FAT3: variants seen among roughly 807,000 people sequenced by gnomAD.
The protein encoded by FAT3 is protocadherin Fat 3.
In FAT3, 95 loss-of-function variants were observed where a neutral mutation model predicts 310.2. The observed-to-expected ratio is 0.31, with a 90% CI of 0.26 to 0.36. The LOEUF is 0.36. Ranked by LOEUF, FAT3 falls within the 10% of genes least tolerant of loss-of-function variation. The pLI is 1.00. For missense variants in FAT3, 5,408 were observed against 5,715.6 expected (o/e 0.95, Z 1.74); for synonymous variants, 2,314 against 2,192.9 (o/e 1.06, Z -1.54).
chr11:92,645,978 C>T (rs903305338), intron 3 of FAT3, among the ~76,000 whole-genome samples: 3 of 152,268 alleles, frequency 2.0e-5, no homozygotes, highest in Middle Eastern at 3.4e-3. Flanking sequence ...TTTATCCAAT[C>T]GCTTCAACAA....
At chr11:92,562,390 G>A (rs606010) in intron 3 of FAT3, among the ~76,000 whole-genome samples, 59,331 of 151,830 alleles carry the variant, frequency 0.39, 12,318 homozygotes, top group Middle Eastern at 0.53. Flanking sequence ...AAATACGTAC[G>A]GATTTTATTT....
chr11:92,749,348 A>G (rs973237209), intron 4 of FAT3, among the ~76,000 whole-genome samples: 5 of 152,138 alleles, frequency 3.3e-5, no homozygotes, highest in African/African-American at 9.7e-5. Flanking sequence ...ATGACAATTT[A>G]TGAATGCAAG....
chr11:92,651,903 A>G (rs1383290157), intron 3 of FAT3, among the ~76,000 whole-genome samples: 1 of 152,166 alleles, frequency 6.6e-6, no homozygotes, highest in Non-Finnish European at 1.5e-5. Context: ...CATCTAGGGG[A>G]TGCTTTTCCT....
chr11:92,775,475 G>A (rs1406613757), intron 7 of FAT3, among the ~76,000 whole-genome samples: 1 of 152,050 alleles, frequency 6.6e-6, no homozygotes, highest in African/African-American at 2.4e-5. Flanking sequence ...CCTTAGAAAG[G>A]GGAAGTGACT....
In FAT3 at chr11:92,851,254, T is replaced by G. The variant is rs147042752; in HGVS notation, c.11366-5960T>G. ...GAAAAGTTACACCTGAGTTCAGGTC[T>G]CTGCCATGTTGCTGGGTCAAATTAG... On this transcript the variant is annotated intron_variant, in intron 19 of 27. Transcript: ENST00000525166. Among the ~76,000 whole-genome samples, 4 of 152,332 alleles carry G rather than the reference T, an allele frequency of 2.6e-5. No individual in the cohort carries two copies. In the East Asian group the frequency reaches 7.7e-4, roughly 29 times the overall value.
chr11:92,422,778 A>T (rs1950557819), intron 2 of FAT3, among the ~76,000 whole-genome samples: 1 of 152,080 alleles, frequency 6.6e-6, no homozygotes, highest in African/African-American at 2.4e-5. Flanking sequence ...TTCAGCAAAG[A>T]GCTGCTGGGA....
At chr11:92,835,138 A>G in intron 15 of FAT3, 54 bp downstream of exon 15, 3 of 1,475,408 alleles carry the variant, frequency 2.0e-6, no homozygotes, top group Non-Finnish European at 9.3e-7. Context: ...GTCATCCACA[A>G]TAAAGTGAAG....
chr11:92,805,432 C>A (rs1260908888), intron 11 of FAT3, 83 bp downstream of exon 11: 4 of 1,430,756 alleles, frequency 2.8e-6, no homozygotes, highest in Non-Finnish European at 3.8e-6. Flanking sequence ...TTCTTAAGGC[C>A]AGGCAAACTT....
intron 24 of FAT3, among the ~76,000 whole-genome samples, chr11:92,886,383 C>T (rs1445596131): frequency 6.6e-6 from 1 of 151,736 alleles, no homozygotes; most frequent in Non-Finnish European, 1.5e-5. Flanking sequence ...TTCTGACTGT[C>T]TTTGTACGGT....
chr11:92,622,575 T>C (rs1941135846), intron 3 of FAT3, among the ~76,000 whole-genome samples: 1 of 152,136 alleles, frequency 6.6e-6, no homozygotes, highest in Non-Finnish European at 1.5e-5. Context: ...GGTTTTCCCT[T>C]ATGATAAGAA....
chr11:92,317,886 TG>T (rs1225534835), intron 1 of FAT3, among the ~76,000 whole-genome samples: 1 of 152,182 alleles, frequency 6.6e-6, no homozygotes, highest in Non-Finnish European at 1.5e-5. Context: ...GTTATTTTTT[TG>T]TTTGCATTTA....
At chr11:92,261,700 G>A (rs949744451) in intron 1 of FAT3, among the ~76,000 whole-genome samples, 2 of 152,000 alleles carry the variant, frequency 1.3e-5, no homozygotes, top group Admixed American at 6.6e-5. Context: ...TCCCTGGGTG[G>A]CATTGTAACA....
chr11:92,317,450 C>A (rs1250114936), intron 1 of FAT3, among the ~76,000 whole-genome samples: 1 of 152,088 alleles, frequency 6.6e-6, no homozygotes, highest in Non-Finnish European at 1.5e-5. Context: ...CAGAAGGAGG[C>A]AGGGTTGGTT....
At chr11:92,367,010 C>T (rs192505792) in intron 2 of FAT3, 149 of 517,366 alleles carry the variant, frequency 2.9e-4, no homozygotes, top group African/African-American at 2.6e-3. Flanking sequence ...GTCCTCATTA[C>T]TGGCAGCCAC....
At chr11:92,714,791 C>T (rs1944625504) in intron 4 of FAT3, among the ~76,000 whole-genome samples, 1 of 152,082 alleles carries the variant, frequency 6.6e-6, no homozygotes, top group African/African-American at 2.4e-5. Flanking sequence ...ATCTTTAGCA[C>T]TAACACAGTT....
intron 4 of FAT3, among the ~76,000 whole-genome samples, chr11:92,706,480 G>A (rs1944357882): frequency 6.6e-6 from 1 of 152,010 alleles, no homozygotes; most frequent in African/African-American, 2.4e-5. Context: ...ACTGCCAGCA[G>A]CAGGTGTGGA....
chr11:92,623,482 G>GT (rs758829804), intron 3 of FAT3, among the ~76,000 whole-genome samples: 21 of 152,266 alleles, frequency 1.4e-4, no homozygotes, highest in Admixed American at 6.5e-4. Context: ...GTCAACTCGA[G>GT]TTTTTGTTAT....
At chr11:92,478,389 C>G (rs569087865) in intron 2 of FAT3, among the ~76,000 whole-genome samples, 1 of 152,272 alleles carries the variant, frequency 6.6e-6, no homozygotes, top group South Asian at 2.1e-4. Context: ...CAACATGAAG[C>G]TTGGTGTCCA....
intron 4 of FAT3, among the ~76,000 whole-genome samples, chr11:92,721,065 G>T (rs556849712): frequency 4.9e-4 from 74 of 152,300 alleles, no homozygotes; most frequent in African/African-American, 1.7e-3. Flanking sequence ...GCAGCCATCA[G>T]ATATTCTTCT....
Sources: allele counts gnomAD v4.1 joint callset (sites outside exome capture counted in the v4.1 genomes callset), GRCh38; gene constraint gnomAD v4.1.1; transcripts MANE v1.5; gene names NCBI Gene and HGNC (gene_info 2026-07-23, HGNC 2026-07-21).